LRRC3B: variants seen among roughly 807,000 people sequenced by gnomAD.
The protein encoded by LRRC3B is leucine-rich repeat-containing protein 3B.
In LRRC3B, 2 loss-of-function variants were observed where a neutral mutation model predicts 12.8. The observed-to-expected ratio is 0.16, with a 90% confidence interval of 0.06 to 0.49. LRRC3B has a LOEUF of 0.49. LRRC3B is among the 20% of genes least tolerant of loss of function. The pLI is 0.96. For synonymous variants in LRRC3B, 132 were observed against 122.0 expected (o/e 1.08, Z -0.54); for missense variants, 189 against 319.4 (o/e 0.59, Z 3.11).
At chr3:26,639,215 C>A (rs1205403289) in intron 1 of LRRC3B, among the ~76,000 whole-genome samples, 1 of 152,058 alleles carries the variant, frequency 6.6e-6, no homozygotes, top group African/African-American at 2.4e-5. Flanking sequence ...TAGTTAATTT[C>A]AGTAATATAC....
intron 1 of LRRC3B, among the ~76,000 whole-genome samples, chr3:26,645,672 C>T: frequency 6.6e-6 from 1 of 152,026 alleles, no homozygotes; most frequent in Admixed American, 6.6e-5. Context: ...GATCCTACTT[C>T]TCAAACACAT....
At chr3:26,699,724 G>A (rs1460264606) in intron 1 of LRRC3B, among the ~76,000 whole-genome samples, 1 of 152,134 alleles carries the variant, frequency 6.6e-6, no homozygotes, top group Admixed American at 6.6e-5. Context: ...TAGATTAGAT[G>A]TTAAAAGTTT....
chr3:26,690,689 G>A (rs1453612625), intron 1 of LRRC3B, among the ~76,000 whole-genome samples: 1 of 151,726 alleles, frequency 6.6e-6, no homozygotes, highest in African/African-American at 2.4e-5. Flanking sequence ...TTGTTCTTGG[G>A]GGTTTCCTTA....
intron 1 of LRRC3B, among the ~76,000 whole-genome samples, chr3:26,636,140 A>G (rs1698863974): frequency 6.6e-6 from 1 of 152,148 alleles, no homozygotes; most frequent in African/African-American, 2.4e-5. Flanking sequence ...TTTCATCAAG[A>G]TCTCTTAGAA....
At chr3:26,701,285 C>T (rs755653307) in intron 1 of LRRC3B, 1 of 152,034 alleles carries the variant, frequency 6.6e-6, no homozygotes, top group Non-Finnish European at 1.5e-5. Context: ...TTCCATTCCA[C>T]TCCACCCCCA....
intron 1 of LRRC3B, among the ~76,000 whole-genome samples, chr3:26,667,748 C>A (rs2125428233): frequency 6.6e-6 from 1 of 152,222 alleles, no homozygotes; most frequent in South Asian, 2.1e-4. Context: ...AAAGAACAGA[C>A]TGAGAAATAT....
At chr3:26,639,952 G>C (rs1698987651) in intron 1 of LRRC3B, among the ~76,000 whole-genome samples, 1 of 152,100 alleles carries the variant, frequency 6.6e-6, no homozygotes, top group Non-Finnish European at 1.5e-5. Context: ...GGTGAGTTTA[G>C]GTGACTAGAT....
rs541132999 is a variant in LRRC3B, at chr3:26,626,179, C to A, written c.-161+2942C>A. Among the ~76,000 whole-genome samples the A allele has an allele frequency of 7.9e-5, 12 of 152,264 alleles. No individual in the cohort carries two copies. In the South Asian group the frequency reaches 2.3e-3, roughly 29 times the overall value. On this transcript the variant is annotated intron_variant, in intron 1 of 1. Transcript: ENST00000396641. ...CTGTCTCAAAGTTTGTTGGGGTACA[C>A]CTTGGTATAGTGGAATACTAGTAGA...
intron 1 of LRRC3B, among the ~76,000 whole-genome samples, chr3:26,680,284 A>G (rs886069367): frequency 6.6e-6 from 1 of 152,186 alleles, no homozygotes; most frequent in African/African-American, 2.4e-5. Context: ...GGAATAATTA[A>G]ATGTATAAAT....
intron 1 of LRRC3B, among the ~76,000 whole-genome samples, chr3:26,704,162 C>T (rs1238856129): frequency 6.8e-6 from 1 of 147,202 alleles, no homozygotes; most frequent in Non-Finnish European, 1.5e-5. Context: ...TTTATATTTG[C>T]ATATTTATCT....
At chr3:26,635,490 T>G (rs1361575932) in intron 1 of LRRC3B, among the ~76,000 whole-genome samples, 2 of 152,054 alleles carry the variant, frequency 1.3e-5, no homozygotes, top group East Asian at 3.9e-4. Context: ...AAAGCATGCT[T>G]CCTCTCTCTC....
intron 1 of LRRC3B, among the ~76,000 whole-genome samples, chr3:26,660,299 G>A (rs994618624): frequency 6.6e-6 from 1 of 152,102 alleles, no homozygotes; most frequent in Non-Finnish European, 1.5e-5. Context: ...TAAATTTTAA[G>A]CCAGAACTTT....
At chr3:26,631,922 A>G (rs2125400752) in intron 1 of LRRC3B, among the ~76,000 whole-genome samples, 2 of 152,320 alleles carry the variant, frequency 1.3e-5, no homozygotes, top group Middle Eastern at 6.8e-3. Flanking sequence ...GATGTGTCTG[A>G]CATTGTTTTA....
exon 2 of LRRC3B, chr3:26,710,204 G>A: frequency 6.2e-7 from 1 of 1,613,756 alleles, no homozygotes; most frequent in Non-Finnish European, 8.5e-7. Flanking sequence ...GTCCGTGTTG[G>A]ATGAACATGC....
intron 1 of LRRC3B, among the ~76,000 whole-genome samples, chr3:26,700,010 A>G (rs1203445236): frequency 6.6e-6 from 1 of 152,098 alleles, no homozygotes; most frequent in Non-Finnish European, 1.5e-5. Flanking sequence ...TTCTAAACCC[A>G]CTCTGAAGAT....
chr3:26,671,413 G>GAGGGAGAGAGAGAGAGAGAGAGAGAC (rs9331540), intron 1 of LRRC3B, among the ~76,000 whole-genome samples: 1 of 99,386 alleles, frequency 1.0e-5, no homozygotes, highest in African/African-American at 4.3e-5. Flanking sequence ...GAGAGAGAGA[G>GAGGGAGAGAGAGAGAGAGAGAGAGAC]ACGAAGTCTT....
At chr3:26,624,567 C>T (rs1698580193) in intron 1 of LRRC3B, 1 of 152,626 alleles carries the variant, frequency 6.6e-6, no homozygotes, top group African/African-American at 2.4e-5. Flanking sequence ...GCCACTTTCC[C>T]CCGCCCCTCC....
intron 1 of LRRC3B, among the ~76,000 whole-genome samples, chr3:26,630,559 A>G (rs1698735105): frequency 6.6e-6 from 1 of 152,172 alleles, no homozygotes; most frequent in Non-Finnish European, 1.5e-5. Context: ...AAATGCTACT[A>G]TGAGATAACT....
chr3:26,683,245 C>T (rs1388542600), intron 1 of LRRC3B, among the ~76,000 whole-genome samples: 1 of 152,178 alleles, frequency 6.6e-6, no homozygotes, highest in East Asian at 1.9e-4. Context: ...TTTGTCCCAT[C>T]AAGGAAGGAG....
Sources: gnomAD v4.1 joint callset for allele counts (sites outside exome capture counted in the v4.1 genomes callset) on GRCh38, gnomAD v4.1.1 for gene constraint, MANE v1.5 for transcripts, NCBI Gene and HGNC (gene_info 2026-07-23, HGNC 2026-07-21) for gene names.